CLASP2: variants seen among roughly 807,000 people sequenced by gnomAD.
The protein encoded by CLASP2 is cytoplasmic linker associated protein 2, also known as CLIP-associating protein 2.
Under a neutral mutation model 194.4 loss-of-function variants are expected in CLASP2, and 47 were observed. The observed-to-expected ratio is 0.24, with a 90% CI of 0.19 to 0.31. The LOEUF (loss-of-function observed/expected upper bound fraction) is 0.31, where lower values mean the gene tolerates loss of function less well. CLASP2 is among the 10% of genes least tolerant of loss of function. The pLI is 1.00. For synonymous variants in CLASP2, 619 were observed against 633.5 expected (o/e 0.98, Z 0.34); for missense variants, 1,445 against 1,823.6 (o/e 0.79, Z 3.78).
intron 20 of CLASP2, among the ~76,000 whole-genome samples, chr3:33,593,844 T>C (rs1428501096): frequency 6.6e-6 from 1 of 152,234 alleles, no homozygotes; most frequent in African/African-American, 2.4e-5. Context: ...ATCATGTTTT[T>C]ATTTTTATTT....
intron 1 of CLASP2, among the ~76,000 whole-genome samples, chr3:33,699,869 T>C (rs1450103893): frequency 1.5e-5 from 2 of 130,594 alleles, no homozygotes; most frequent in African/African-American, 2.9e-5. Context: ...ATTATTGTAC[T>C]ACCAAAAAAA....
intron 20 of CLASP2, 117 bp downstream of exon 20, chr3:33,594,834 G>A (rs2154242953): frequency 2.0e-6 from 1 of 505,194 alleles, no homozygotes; most frequent in Non-Finnish European, 3.2e-6. Context: ...ACTACAACTG[G>A]CAAATTATAA....
intron 21 of CLASP2, among the ~76,000 whole-genome samples, chr3:33,590,404 T>C (rs1393532555): frequency 6.6e-6 from 1 of 152,166 alleles, no homozygotes; most frequent in Admixed American, 6.5e-5. Context: ...TTGGATTCAG[T>C]AGAGCTGTAA....
intron 12 of CLASP2, among the ~76,000 whole-genome samples, chr3:33,613,638 A>C (rs543075307): frequency 5.2e-4 from 79 of 152,378 alleles, no homozygotes; most frequent in Admixed American, 1.3e-3. Flanking sequence ...AGAATAATGC[A>C]AGAAAGTGTG....
At chr3:33,587,740 AC>A (rs2067733330) in intron 21 of CLASP2, among the ~76,000 whole-genome samples, 1 of 152,228 alleles carries the variant, frequency 6.6e-6, no homozygotes, top group Non-Finnish European at 1.5e-5. Context: ...CATATAAGGA[AC>A]CTGTTTTCTC....
chr3:33,592,654 A>C, intron 20 of CLASP2, 158 bp from the exon 21 acceptor site: 1 of 695,224 alleles, frequency 1.4e-6, no homozygotes. Flanking sequence ...TATAAACAGT[A>C]ATTTTTTTTT....
chr3:33,612,604 T>C (rs1403238217), intron 12 of CLASP2, among the ~76,000 whole-genome samples: 1 of 152,232 alleles, frequency 6.6e-6, no homozygotes, highest in Non-Finnish European at 1.5e-5. Context: ...TTTCTATTAG[T>C]AATTCTTATG....
intron 26 of CLASP2, among the ~76,000 whole-genome samples, chr3:33,569,404 T>G (rs2063349243): frequency 6.6e-6 from 1 of 152,214 alleles, no homozygotes; most frequent in Non-Finnish European, 1.5e-5. Context: ...GCTTAATAAC[T>G]ATATATTTCA....
chr3:33,618,319 G>GA (rs2076551154), intron 12 of CLASP2, among the ~76,000 whole-genome samples: 1 of 152,052 alleles, frequency 6.6e-6, no homozygotes, highest in African/African-American at 2.4e-5. Flanking sequence ...TACACATATG[G>GA]ATAAGGGATG....
chr3:33,507,230 C>A (rs1333288913), intron 37 of CLASP2, among the ~76,000 whole-genome samples: 1 of 152,190 alleles, frequency 6.6e-6, no homozygotes, highest in Non-Finnish European at 1.5e-5. Flanking sequence ...AGCCACCACA[C>A]CCAGCCAAGT....
chr3:33,626,235 T>C (rs1219328242), intron 10 of CLASP2, among the ~76,000 whole-genome samples: 2 of 152,110 alleles, frequency 1.3e-5, no homozygotes, highest in Non-Finnish European at 1.5e-5. Flanking sequence ...TTTGATTTAA[T>C]TCATCAAAAT....
chr3:33,685,547 A>G (rs891859084), intron 5 of CLASP2, among the ~76,000 whole-genome samples: 2 of 152,142 alleles, frequency 1.3e-5, no homozygotes, highest in East Asian at 1.9e-4. Flanking sequence ...CAAATGTGGA[A>G]ACAACCAAAA....
rs1173875674 is a variant in CLASP2 at position 33,622,334 on chromosome 3, AAGCT to A, written c.1036-58_1036-55del. On this transcript the variant is annotated intron_variant, in intron 10 of 38. Coordinates refer to ENST00000682230, the MANE Select transcript of CLASP2 (RefSeq NM_001365631.1). The stretch of plus-strand genomic sequence containing the variant: ...AAAAAGGTGGAAGTGCAAAAAAAAG[AAGCT>A]ACCTAAACTTCATTATTCAAACAAA... 1.0e-5 allele frequency: 14 copies of A among 1,356,128 alleles called. No individual in the cohort carries two copies. In the African/African-American group the frequency reaches 1.8e-4, roughly 17 times the overall value. The allele number at this position is 1,356,128 out of a possible 1,614,324, so 84.0% of individuals were successfully genotyped here. A position where few individuals can be genotyped will look rare whatever the true frequency, so the allele number is the denominator to read the frequency against.
chr3:33,623,610 C>G (rs937561095), intron 10 of CLASP2, among the ~76,000 whole-genome samples: 3 of 152,062 alleles, frequency 2.0e-5, no homozygotes, highest in Admixed American at 1.3e-4. Context: ...AGGATTTCAT[C>G]CTTTTTATGG....
rs1027731514 is a variant in CLASP2, at chr3:33,571,015, A to ATTTTTTTTTTTTTTTTTTTTTTTTT, written c.2700-226_2700-225insAAAAAAAAAAAAAAAAAAAAAAAAA. Among the ~76,000 whole-genome samples the ATTTTTTTTTTTTTTTTTTTTTTTTT allele has an allele frequency of 5.2e-4, 64 of 123,898 alleles. 4 individuals are homozygous for ATTTTTTTTTTTTTTTTTTTTTTTTT. Among genetic ancestry groups the ATTTTTTTTTTTTTTTTTTTTTTTTT allele is most frequent in the East Asian group, 1.0e-3 (4 of 3,906 alleles). The allele number at this position is 123,898 out of a possible 152,430, so 81.3% of individuals were successfully genotyped here. On this transcript the variant is annotated intron_variant, in intron 25 of 38. Transcript: ENST00000682230. ...AGATGGCAAGATCCTGTCTCTATAAATTTTTTTTTTTTTTTTTTGAGACGG... is the reference window on the plus strand; with the variant it reads ...AGATGGCAAGATCCTGTCTCTATAAATTTTTTTTTTTTTTTTTTTTTTTTTTTTTTTTTTTTTTTTTTTGAGACGG...
At chr3:33,672,227 G>T (rs2087426716) in intron 6 of CLASP2, among the ~76,000 whole-genome samples, 2 of 152,164 alleles carry the variant, frequency 1.3e-5, no homozygotes, top group Admixed American at 1.3e-4. Flanking sequence ...CACATGGCCG[G>T]GGACTCCTCT....
chr3:33,590,197 T>C (rs1227069985), intron 21 of CLASP2, among the ~76,000 whole-genome samples: 1 of 152,210 alleles, frequency 6.6e-6, no homozygotes, highest in Admixed American at 6.5e-5. Flanking sequence ...CTACATCATT[T>C]AATCCTCACA....
At chr3:33,505,225 A>G (rs1190928847) in intron 37 of CLASP2, 1 of 138,980 alleles carries the variant, frequency 7.2e-6, no homozygotes, top group African/African-American at 2.8e-5. Flanking sequence ...TGCCAGAGAT[A>G]AAAACAACAA....
At chr3:33,697,626 T>TA (rs1286296866) in intron 1 of CLASP2, among the ~76,000 whole-genome samples, 12 of 152,198 alleles carry the variant, frequency 7.9e-5, no homozygotes, top group Admixed American at 5.9e-4. Context: ...TTCCTAAATG[T>TA]AACAGTTAAA....
Sources: gnomAD v4.1 joint callset for allele counts (sites outside exome capture counted in the v4.1 genomes callset) on GRCh38, gnomAD v4.1.1 for gene constraint, MANE v1.5 for transcripts, NCBI Gene and HGNC (gene_info 2026-07-23, HGNC 2026-07-21) for gene names.